Variants in SLC1A2 observed in about 807,000 individuals in gnomAD.
SLC1A2 encodes excitatory amino acid transporter 2.
A neutral mutation model predicts 48.8 loss-of-function variants in SLC1A2; 15 were observed. The ratio of observed to expected loss-of-function variants is 0.31; its 90% CI spans 0.21 to 0.47. SLC1A2 has a LOEUF of 0.47. Among genes scored for constraint, SLC1A2 ranks in the 20% least tolerant of loss-of-function variants. The pLI is 0.99. For synonymous variants in SLC1A2, 279 were observed against 272.6 expected (o/e 1.02, Z -0.23); for missense variants, 502 against 730.5 (o/e 0.69, Z 3.61).
chr11:35,404,509 T>G (rs1855227250), intron 1 of SLC1A2: 1 of 152,240 alleles, frequency 6.6e-6, no homozygotes, highest in Non-Finnish European at 1.5e-5. Flanking sequence ...GGTCCCCGGT[T>G]GTTACTCCAG....
intron 1 of SLC1A2, chr11:35,322,865 C>T (rs1852118285): frequency 1.5e-6 from 1 of 649,754 alleles, no homozygotes; most frequent in African/African-American, 1.8e-5. Flanking sequence ...AATGCCACCC[C>T]TGCTTTAAAA....
intron 4 of SLC1A2, among the ~76,000 whole-genome samples, chr11:35,310,090 C>T (rs1851642103): frequency 1.3e-5 from 2 of 152,204 alleles, no homozygotes; most frequent in South Asian, 4.1e-4. Context: ...GCCAGCTCCA[C>T]AAAAGTTCAC....
chr11:35,307,257 G>A (rs1851541931), intron 4 of SLC1A2: 1 of 152,232 alleles, frequency 6.6e-6, no homozygotes, highest in South Asian at 2.1e-4. Flanking sequence ...GGCACCAAGA[G>A]TGCCAGCTGC....
At position 35,393,536 on chromosome 11, in the gene SLC1A2, CT is replaced by C. The variant is rs1210362617; in HGVS notation, c.17+25413del. On this transcript the variant is annotated intron_variant, in intron 1 of 10. Transcript: ENST00000278379. ...CCAGTGTGTGGCATCTGACACCCCC[CT>C]CTTCACTTCTTTCCACTGCCTATTG... 1.3e-5 allele frequency among the ~76,000 whole-genome samples: 2 copies of C among 152,200 alleles called. 1 individual carries two copies. Among genetic ancestry groups the C allele is most frequent in the African/African-American group, 4.8e-5 (2 of 41,442 alleles).
chr11:35,314,889 G>A (rs982822421), intron 3 of SLC1A2, 134 bp downstream of exon 3: 33 of 581,076 alleles, frequency 5.7e-5, no homozygotes, highest in Non-Finnish European at 7.7e-5. Context: ...TTTCAGAGAC[G>A]GGAAAACCAA....
intron 9 of SLC1A2, among the ~76,000 whole-genome samples, chr11:35,272,674 C>T (rs373020825): frequency 6.6e-6 from 1 of 152,208 alleles, no homozygotes; most frequent in African/African-American, 2.4e-5. Flanking sequence ...CTGTCTTTCG[C>T]GTTGCCCTCA....
At chr11:35,408,316 C>G (rs1268321060) in intron 1 of SLC1A2, among the ~76,000 whole-genome samples, 2 of 152,180 alleles carry the variant, frequency 1.3e-5, no homozygotes, top group Admixed American at 6.5e-5. Context: ...GGCTGTGTCC[C>G]CACCCAAATC....
chr11:35,292,137 A>T, intron 7 of SLC1A2, 150 bp downstream of exon 7: 1 of 676,162 alleles, frequency 1.5e-6, no homozygotes. Flanking sequence ...GGAGACAAAA[A>T]TTCAAATCAT....
At position 35,393,099 on chromosome 11, in the gene SLC1A2, T is replaced by A. The variant is rs1570226; in HGVS notation, c.17+25851A>T. Among the ~76,000 whole-genome samples the A allele has an allele frequency of 6.3e-4, 96 of 152,104 alleles. 2 individuals carry two copies. The South Asian group carries it at 0.019, about 31-fold the overall frequency. ...CATTAATCCAGTAAGTATCTGGTCC[T>A]AGATTCAAACATCTCTATCCTCCTT... On this transcript the variant is annotated intron_variant, in intron 1 of 10. Coordinates refer to ENST00000278379, the MANE Select transcript of SLC1A2 (RefSeq NM_004171.4).
At chr11:35,361,008 TG>T in intron 1 of SLC1A2, among the ~76,000 whole-genome samples, 1 of 152,130 alleles carries the variant, frequency 6.6e-6, no homozygotes, top group Admixed American at 6.6e-5. Flanking sequence ...CCTGAGTAGC[TG>T]GGACTACAGG....
chr11:35,301,102 T>C (rs1052149075), intron 6 of SLC1A2, among the ~76,000 whole-genome samples: 14 of 152,260 alleles, frequency 9.2e-5, no homozygotes, highest in African/African-American at 3.4e-4. Flanking sequence ...GAGAAGTTGG[T>C]CTGCAACCTG....
In SLC1A2 at chr11:35,286,754, C is replaced by T; in HGVS notation, c.1286+3G>A. 1 of 1,609,082 alleles carries T rather than the reference C, an allele frequency of 6.2e-7. No homozygotes were observed. The highest frequency in any genetic ancestry group is 1.1e-5 in the South Asian group (1 of 90,608). On this transcript the variant is annotated splice_donor_region_variant and intron_variant, in intron 8 of 10. Transcript: ENST00000278379. ...GTTTTGTGTTTTACCCCACCCTTCT[C>T]ACCTTACAGTCACAATCTGTCCTCC...
rs1189278026 is a variant in SLC1A2, at chr11:35,374,885, C to T, written c.17+44065G>A. ...GTGTAAGGTGATACACATACACATA[C>T]CTATATAAATCGTACATGTGTATAG... On this transcript the variant is annotated intron_variant, in intron 1 of 10. Coordinates refer to ENST00000278379, the MANE Select transcript of SLC1A2 (RefSeq NM_004171.4). 2.6e-5 allele frequency among the ~76,000 whole-genome samples: 4 copies of T among 152,082 alleles called. No homozygotes were observed. The East Asian group carries it at 7.7e-4, about 29-fold the overall frequency.
chr11:35,286,994 T>C (rs1565215299), intron 7 of SLC1A2, 43 bp from the exon 8 acceptor site: 1 of 1,515,814 alleles, frequency 6.6e-7, no homozygotes, highest in Non-Finnish European at 9.1e-7. Flanking sequence ...ATGTCCACTT[T>C]AGAGAAGCAG....
At chr11:35,349,292 G>A (rs928122134) in intron 1 of SLC1A2, among the ~76,000 whole-genome samples, 1 of 152,144 alleles carries the variant, frequency 6.6e-6, no homozygotes, top group African/African-American at 2.4e-5. Context: ...AATACAAAGG[G>A]AATCAAAGAC....
chr11:35,306,063 A>T lies in SLC1A2; in HGVS notation c.730+11T>A, dbSNP rs1275275767. The T allele has an allele frequency of 6.2e-7, 1 of 1,612,372 alleles. No homozygotes were observed. The highest frequency in any genetic ancestry group is 1.7e-5 in the Admixed American group (1 of 59,976). ...CAGGGAAGCAGAATCCCGGACCACC[A>T]GCTGGCCTACCTAAGACGTTCATCC... On this transcript the variant is annotated intron_variant, in intron 5 of 10. Coordinates refer to ENST00000278379, the MANE Select transcript of SLC1A2 (RefSeq NM_004171.4).
intron 10 of SLC1A2, chr11:35,261,622 A>T (rs1436736720): frequency 2.5e-6 from 1 of 398,372 alleles, no homozygotes; most frequent in African/African-American, 2.1e-5. Flanking sequence ...ACCTTTTTGC[A>T]GAATAGGAGG....
intron 1 of SLC1A2, among the ~76,000 whole-genome samples, chr11:35,349,810 T>C (rs949861323): frequency 3.3e-5 from 5 of 152,182 alleles, no homozygotes; most frequent in African/African-American, 9.7e-5. Context: ...ACACAGTCTT[T>C]GGGCTCAGGG....
intron 6 of SLC1A2, among the ~76,000 whole-genome samples, chr11:35,299,956 G>A (rs1430039042): frequency 1.3e-5 from 2 of 152,064 alleles, no homozygotes. Flanking sequence ...TTTTTTCTAG[G>A]CAGACATACA....
Sources: allele counts gnomAD v4.1 joint callset (sites outside exome capture counted in the v4.1 genomes callset), GRCh38; gene constraint gnomAD v4.1.1; transcripts MANE v1.5; gene names NCBI Gene and HGNC (gene_info 2026-07-23, HGNC 2026-07-21).